Variants in AGBL4 observed in about 807,000 individuals in gnomAD.
AGBL4 encodes cytosolic carboxypeptidase 6.
AGBL4 carries 58 observed loss-of-function variants against 66.4 expected under a neutral mutation model. The ratio of observed to expected loss-of-function variants is 0.87; its 90% CI spans 0.71 to 1.09. The LOEUF is 1.09. AGBL4 is among the 50% of genes least tolerant of loss of function. The pLI is 0.00. For missense variants in AGBL4, 579 were observed against 631.0 expected (o/e 0.92, Z 0.88); for synonymous variants, 234 against 222.9 (o/e 1.05, Z -0.44).
At chr1:49,202,575 G>GA (rs957616747) in intron 4 of AGBL4, among the ~76,000 whole-genome samples, 1 of 151,748 alleles carries the variant, frequency 6.6e-6, no homozygotes, top group African/African-American at 2.4e-5. Flanking sequence ...TATCCACATT[G>GA]AAAAAAATGG....
chr1:48,590,946 A>T lies in AGBL4; in HGVS notation c.991T>A (p.Ser331Thr), dbSNP rs1485617568. 6.2e-7 allele frequency: 1 copy of T among 1,610,770 alleles called. No homozygotes were observed. Among genetic ancestry groups the T allele is most frequent in the East Asian group, 2.2e-5 (1 of 44,834 alleles). Residue 331 changes from serine to threonine, a missense_variant, in exon 10 of 14, where the codon TCC becomes ACC. Ser to Thr is a moderately conservative substitution (Grantham distance 58). Coordinates refer to ENST00000371839, the MANE Select transcript of AGBL4 (RefSeq NM_032785.4). Reference protein sequence around the residue: ...LEFYIDIHAHSTMMNGFMYGN... With the variant: ...LEFYIDIHAHTTMMNGFMYGN... ...TACATGAAGCCATTCATCATGGTGGAGTGGGCATGGATGTCAATATAAAAC... is the reference window on the plus strand; with the variant it reads ...TACATGAAGCCATTCATCATGGTGGTGTGGGCATGGATGTCAATATAAAAC...
intron 1 of AGBL4, among the ~76,000 whole-genome samples, chr1:49,902,053 G>T (rs1285354375): frequency 1.3e-5 from 2 of 152,194 alleles, no homozygotes; most frequent in African/African-American, 2.4e-5. Flanking sequence ...ATGGATCAAA[G>T]ACTTAAATAT....
intron 5 of AGBL4, among the ~76,000 whole-genome samples, chr1:48,955,732 TA>T (rs1394090627): frequency 6.6e-6 from 1 of 152,184 alleles, no homozygotes; most frequent in Non-Finnish European, 1.5e-5. Flanking sequence ...AACGAGAAGC[TA>T]GGCAGTCCCA....
intron 3 of AGBL4, among the ~76,000 whole-genome samples, chr1:49,553,108 TA>T (rs920629749): frequency 6.6e-6 from 1 of 152,204 alleles, no homozygotes; most frequent in Non-Finnish European, 1.5e-5. Context: ...AAATATTTCT[TA>T]AAAAATGAAT....
chr1:49,411,378 A>T (rs1023605220), intron 3 of AGBL4, among the ~76,000 whole-genome samples: 1 of 152,200 alleles, frequency 6.6e-6, no homozygotes, highest in Admixed American at 6.5e-5. Context: ...GCCTATCCAC[A>T]CTGAGGGTAG....
intron 5 of AGBL4, among the ~76,000 whole-genome samples, chr1:49,002,791 C>T (rs908499706): frequency 1.3e-5 from 2 of 152,270 alleles, no homozygotes; most frequent in East Asian, 1.9e-4. Flanking sequence ...ATAAGCCATT[C>T]AGTATTGAAC....
At chr1:49,664,741 T>G (rs542784755) in intron 3 of AGBL4, among the ~76,000 whole-genome samples, 1 of 152,228 alleles carries the variant, frequency 6.6e-6, no homozygotes, top group Non-Finnish European at 1.5e-5. Flanking sequence ...AGAAACATAA[T>G]ATTGCTTTTA....
At chr1:49,486,165 C>A (rs1234418965) in intron 3 of AGBL4, among the ~76,000 whole-genome samples, 1 of 151,968 alleles carries the variant, frequency 6.6e-6, no homozygotes, top group African/African-American at 2.4e-5. Flanking sequence ...ACTCAGAAAT[C>A]AGATAGCAAA....
intron 6 of AGBL4, among the ~76,000 whole-genome samples, chr1:48,827,418 C>A (rs1386452432): frequency 6.6e-6 from 1 of 152,170 alleles, no homozygotes; most frequent in African/African-American, 2.4e-5. Flanking sequence ...GGTCATGGGT[C>A]TTTACATACA....
intron 3 of AGBL4, among the ~76,000 whole-genome samples, chr1:49,438,035 C>T (rs536329750): frequency 1.3e-5 from 2 of 152,256 alleles, no homozygotes; most frequent in African/African-American, 2.4e-5. Flanking sequence ...AAAGGCTAAA[C>T]GACTTGTCCC....
chr1:49,922,248 C>G (rs1214992349), intron 1 of AGBL4, among the ~76,000 whole-genome samples: 1 of 151,958 alleles, frequency 6.6e-6, no homozygotes, highest in Non-Finnish European at 1.5e-5. Flanking sequence ...TTCAGTTTGC[C>G]AATATTTTGT....
At chr1:49,827,871 C>T (rs1645551981) in intron 2 of AGBL4, among the ~76,000 whole-genome samples, 1 of 152,094 alleles carries the variant, frequency 6.6e-6, no homozygotes, top group African/African-American at 2.4e-5. Context: ...TTCTGAGAAG[C>T]GTTTTACCAG....
intron 3 of AGBL4, among the ~76,000 whole-genome samples, chr1:49,487,805 A>G (rs969117370): frequency 6.6e-6 from 1 of 151,920 alleles, no homozygotes; most frequent in African/African-American, 2.4e-5. Context: ...CAGTGGCATC[A>G]GGCAGCTAGT....
intron 2 of AGBL4, among the ~76,000 whole-genome samples, chr1:49,783,416 AT>A (rs1378985097): frequency 6.6e-6 from 1 of 152,192 alleles, no homozygotes; most frequent in Non-Finnish European, 1.5e-5. Context: ...GACAAAAAAA[AT>A]CAAATGGTCA....
At chr1:49,513,154 T>A (rs1251167688) in intron 3 of AGBL4, among the ~76,000 whole-genome samples, 2 of 152,208 alleles carry the variant, frequency 1.3e-5, no homozygotes, top group Non-Finnish European at 2.9e-5. Flanking sequence ...AAGTTCAGTG[T>A]TCTTTCTAGT....
intron 3 of AGBL4, among the ~76,000 whole-genome samples, chr1:49,279,124 A>G (rs1046238340): frequency 2.0e-5 from 3 of 152,184 alleles, no homozygotes; most frequent in East Asian, 1.9e-4. Context: ...GCTCTCTCCA[A>G]TGAATTTTAG....
chr1:48,908,427 G>T (rs1652816801), intron 5 of AGBL4, among the ~76,000 whole-genome samples: 1 of 152,194 alleles, frequency 6.6e-6, no homozygotes, highest in Admixed American at 6.5e-5. Context: ...GTGAATCTCT[G>T]TGAAAATAAA....
At chr1:49,485,157 C>T (rs1159595683) in intron 3 of AGBL4, among the ~76,000 whole-genome samples, 5 of 151,786 alleles carry the variant, frequency 3.3e-5, no homozygotes, top group African/African-American at 9.7e-5. Flanking sequence ...CACATGCACA[C>T]GTATGTTTAA....
chr1:48,895,863 C>T (rs1312010611), intron 5 of AGBL4, among the ~76,000 whole-genome samples: 1 of 152,194 alleles, frequency 6.6e-6, no homozygotes, highest in Non-Finnish European at 1.5e-5. Flanking sequence ...GGCAGTGCAA[C>T]TAGCTTTCTG....
Sources: allele counts gnomAD v4.1 joint callset (sites outside exome capture counted in the v4.1 genomes callset), GRCh38; gene constraint gnomAD v4.1.1; transcripts MANE v1.5; gene names NCBI Gene and HGNC (gene_info 2026-07-23, HGNC 2026-07-21).